Variants in LRTM2 observed in about 807,000 individuals in gnomAD.
LRTM2 encodes the protein leucine-rich repeat and transmembrane domain-containing protein 2.
LRTM2 carries 18 observed loss-of-function variants against 28.1 expected under a neutral mutation model. That is an observed-to-expected ratio of 0.64 (90% CI 0.44 to 0.95). The LOEUF is 0.95. LRTM2 is among the 40% of genes least tolerant of loss of function. The probability of loss-of-function intolerance (pLI) is 0.00; values close to 1 mark genes in which losing one functional copy is unlikely to be tolerated. For synonymous variants in LRTM2, 250 were observed against 218.7 expected, an observed-to-expected ratio of 1.14 and a Z score of -1.26; for missense variants, 436 against 497.2, an observed-to-expected ratio of 0.88 and a Z score of 1.17.
intron 1 of LRTM2, among the ~76,000 whole-genome samples, chr12:1,821,737 T>C (rs1339242926): frequency 6.6e-6 from 1 of 152,118 alleles, no homozygotes; most frequent in Non-Finnish European, 1.5e-5. Context: ...TGGACAGTGC[T>C]GGAGAGAGGA....
rs138734982 is a variant in LRTM2 at position 1,826,609 on chromosome 12, C to T, written c.-258-801C>T. 3.5e-4 allele frequency among the ~76,000 whole-genome samples: 54 copies of T among 152,326 alleles called. 1 individual carries two copies. In the East Asian group the frequency reaches 7.3e-3, roughly 21 times the overall value. Reference sequence around the variant, plus strand: ...CTTGTGACCCCTCTGCCAACGCCTGCGGGGCCTTCGGCAGACTGGCACCCT... The same window carrying T: ...CTTGTGACCCCTCTGCCAACGCCTGTGGGGCCTTCGGCAGACTGGCACCCT... On this transcript the variant is annotated intron_variant, in intron 1 of 4. Transcript: ENST00000299194.
intron 1 of LRTM2, among the ~76,000 whole-genome samples, chr12:1,823,439 G>A (rs113353115): frequency 6.6e-6 from 1 of 152,140 alleles, no homozygotes; most frequent in African/African-American, 2.4e-5. Flanking sequence ...GTGCTCTGAG[G>A]GGGCCGAGTG....
chr12:1,831,846 T>C (rs184030297), intron 4 of LRTM2, among the ~76,000 whole-genome samples: 2 of 146,712 alleles, frequency 1.4e-5, no homozygotes, highest in Non-Finnish European at 3.0e-5. Flanking sequence ...TTAGGTTACA[T>C]AAGGGCAGTA....
chr12:1,828,040 G>C lies in LRTM2; in HGVS notation c.-73-36G>C. 9.4e-7 allele frequency: 1 copy of C among 1,064,294 alleles called. No individual in the cohort carries two copies. The highest frequency in any genetic ancestry group is 1.3e-6 in the Non-Finnish European group (1 of 782,202). The allele number at this position is 1,064,294 out of a possible 1,614,324, so 65.9% of individuals were successfully genotyped here. On this transcript the variant is annotated intron_variant, in intron 2 of 4. Coordinates refer to ENST00000299194, the MANE Select transcript of LRTM2 (RefSeq NM_001039029.3). This position sits in a 1 kb window ranked among gnomAD's most constrained non-coding sequence, Gnocchi z 4.2. The stretch of plus-strand genomic sequence containing the variant: ...ACCCCTGGGCTGGAACGGGGCTCCC[G>C]CGCCTGCCTGTGCTCAGTGCTCCTC...
intron 1 of LRTM2, among the ~76,000 whole-genome samples, chr12:1,826,378 G>A (rs932709427): frequency 2.0e-5 from 3 of 150,246 alleles, no homozygotes; most frequent in Admixed American, 2.0e-4. Flanking sequence ...TTTAAAGAAC[G>A]GACCAGAGAT....
intron 3 of LRTM2, 58 bp from the exon 4 acceptor site, chr12:1,830,877 G>A (rs1864590641): frequency 1.4e-6 from 2 of 1,386,912 alleles, no homozygotes; most frequent in Admixed American, 2.4e-5. Flanking sequence ...GGGAAGAGAA[G>A]CAGGAGGTGG....
Position 1,834,592 on chromosome 12 carries a change from C to A in LRTM2, c.984C>A (p.Ala328=), listed in dbSNP as rs761303047. ...CGVVCIMMVV[A]AAYGCIYASL... ...TCGTCTGCATCATGATGGTGGTGGC[C>A]GCTGCCTATGGCTGCATCTACGCCT... Residue 328 remains alanine (A), a synonymous_variant, in exon 5 of 5, where the codon GCC becomes GCA. Transcript: ENST00000299194. The surrounding 1 kb of genome is among the most constrained non-coding windows in gnomAD (Gnocchi z 7.6). The A allele has an allele frequency of 6.2e-7, 1 of 1,600,422 alleles. No homozygotes were observed. The highest frequency in any genetic ancestry group is 1.1e-5 in the South Asian group (1 of 91,086).
chr12:1,834,954 A>G lies in LRTM2; in HGVS notation c.*233A>G. 1.4e-6 allele frequency: 1 copy of G among 722,466 alleles called. No individual in the cohort carries two copies. The highest frequency in any genetic ancestry group is 2.2e-6 in the Non-Finnish European group (1 of 464,102). 44.8% of individuals were successfully genotyped at this position (722,466 alleles called of 1,614,324 possible). A position where few individuals can be genotyped will look rare whatever the true frequency, so the allele number is the denominator to read the frequency against. ...CCTGTCTGGGCCAGTAAATCTTTGG[A>G]ACATGTGGGGGATCTCCCTAAGCTC... On this transcript the variant is annotated 3_prime_UTR_variant, in exon 5 of 5. Transcript: ENST00000299194. The surrounding 1 kb of genome is among the most constrained non-coding windows in gnomAD (Gnocchi z 7.6).
At chr12:1,825,739 CTG>C (rs1864287692) in intron 1 of LRTM2, among the ~76,000 whole-genome samples, 1 of 152,208 alleles carries the variant, frequency 6.6e-6, no homozygotes, top group Admixed American at 6.5e-5. Context: ...GTGCCCTGCT[CTG>C]TGCACACGTA....
chr12:1,823,438 G>C (rs1273111928), intron 1 of LRTM2, among the ~76,000 whole-genome samples: 1 of 152,132 alleles, frequency 6.6e-6, no homozygotes, highest in East Asian at 1.9e-4. Flanking sequence ...CGTGCTCTGA[G>C]GGGGCCGAGT....
At chr12:1,825,837 C>T (rs532775113) in intron 1 of LRTM2, among the ~76,000 whole-genome samples, 51 of 113,888 alleles carry the variant, frequency 4.5e-4, no homozygotes, top group African/African-American at 1.3e-3. Flanking sequence ...ACCTGCAATC[C>T]AGTCCCGGAC....
At chr12:1,821,866 T>A (rs1864117664) in intron 1 of LRTM2, among the ~76,000 whole-genome samples, 1 of 151,478 alleles carries the variant, frequency 6.6e-6, no homozygotes, top group African/African-American at 2.4e-5. Context: ...TTCTGGGGGG[T>A]GTTGGCACCC....
At position 1,833,391 on chromosome 12, in the gene LRTM2, C is replaced by T. The variant is rs78592391; in HGVS notation, c.659-876C>T. Among the ~76,000 whole-genome samples the T allele has an allele frequency of 0.12, 18,475 of 152,130 alleles. 1,422 individuals are homozygous for T. Among genetic ancestry groups the T allele is most frequent in the Non-Finnish European group, 0.17 (11,461 of 67,972 alleles). On this transcript the variant is annotated intron_variant, in intron 4 of 4. Coordinates refer to ENST00000299194, the MANE Select transcript of LRTM2 (RefSeq NM_001039029.3). The surrounding 1 kb of genome is among the most constrained non-coding windows in gnomAD (Gnocchi z 4.2). The stretch of plus-strand genomic sequence containing the variant: ...AGGGGAGGTCTAGACAGATTATTGT[C>T]CTCAACCACCTTCTCTCTCACCCCA...
Position 1,830,968 on chromosome 12 carries a change from A to G in LRTM2, c.101A>G (p.Glu34Gly). ...TGCTGGATCGCCCTGTATGCTGTGG[A>G]GGCCCTCCCCACCTGCCCTTTCTCC... ...ITCWIALYAV[E>G]ALPTCPFSCK... Residue 34 changes from glutamate (E) to glycine (G), a missense_variant, in exon 4 of 5, where the codon GAG (glutamate) becomes GGG (glycine). By Grantham distance (98) the Glu-to-Gly change is moderately conservative (BLOSUM62 -2). Transcript: ENST00000299194. The G allele has an allele frequency of 6.2e-7, 1 of 1,612,570 alleles. No homozygotes were observed. Among genetic ancestry groups the G allele is most frequent in the Non-Finnish European group, 8.5e-7 (1 of 1,179,114 alleles).
intron 1 of LRTM2, among the ~76,000 whole-genome samples, chr12:1,826,655 G>A (rs1472780625): frequency 6.6e-6 from 1 of 152,208 alleles, no homozygotes; most frequent in African/African-American, 2.4e-5. Flanking sequence ...GGGAAGGGGA[G>A]GAAAGACAGC....
At position 1,833,677 on chromosome 12, in the gene LRTM2, C is replaced by G. The variant is rs368763707; in HGVS notation, c.659-590C>G. On this transcript the variant is annotated intron_variant, in intron 4 of 4. Coordinates refer to ENST00000299194, the MANE Select transcript of LRTM2 (RefSeq NM_001039029.3). The surrounding 1 kb of genome is among the most constrained non-coding windows in gnomAD (Gnocchi z 4.2). ...TCCTGCCCAACTCTTTTCCTCTTTACGCCAGGAAGGGAGCTGCCCATTCTT... is the reference window on the plus strand; with the variant it reads ...TCCTGCCCAACTCTTTTCCTCTTTAGGCCAGGAAGGGAGCTGCCCATTCTT... Among the ~76,000 whole-genome samples, 44 of 152,272 alleles carry G rather than the reference C, an allele frequency of 2.9e-4. No homozygotes were observed. In the South Asian group the frequency reaches 8.5e-3, roughly 29 times the overall value.
intron 1 of LRTM2, among the ~76,000 whole-genome samples, chr12:1,822,583 A>G (rs748556617): frequency 7.9e-5 from 12 of 152,148 alleles, no homozygotes; most frequent in East Asian, 1.9e-4. Flanking sequence ...TCTGCTTCCC[A>G]GAGGGTCTGT....
Position 1,834,453 on chromosome 12 carries a change from G to C in LRTM2, c.845G>C (p.Gly282Ala). The C allele has an allele frequency of 6.2e-7, 1 of 1,611,726 alleles. No homozygotes were observed. The highest frequency in any genetic ancestry group is 1.3e-5 in the African/African-American group (1 of 75,040). Reference sequence around the variant, plus strand: ...CCAGAGCCTGCTAAGCCCAAGCCCGGGGCTGAGCCGGAGCCGGAGCCCAGC... The same window carrying C: ...CCAGAGCCTGCTAAGCCCAAGCCCGCGGCTGAGCCGGAGCCGGAGCCCAGC... ...ASPEPAKPKPGAEPEPEPSTA... is the reference protein window; with the variant it reads ...ASPEPAKPKPAAEPEPEPSTA... The change falls in exon 5 of 5, where the codon GGG becomes GCG. Residue 282 changes from glycine (G) to alanine (A), a missense_variant. Transcript: ENST00000299194. The surrounding 1 kb of genome is among the most constrained non-coding windows in gnomAD (Gnocchi z 7.6).
chr12:1,834,514 G>A lies in LRTM2; in HGVS notation c.906G>A (p.Ala302=), dbSNP rs1360181384. 5.0e-6 allele frequency: 8 copies of A among 1,606,300 alleles called. No individual in the cohort carries two copies. In the Admixed American group the frequency reaches 5.0e-5, roughly 10 times the overall value. ...ACPQKQRHRP[A]SVRRAMGTVI... ...CACAGAAGCAGAGGCACCGGCCGGC[G>A]AGCGTGAGGCGAGCCATGGGCACGG... The change falls in exon 5 of 5, where the codon GCG becomes GCA. Residue 302 remains alanine (A), a synonymous_variant. Transcript: ENST00000299194. The surrounding 1 kb of genome is among the most constrained non-coding windows in gnomAD (Gnocchi z 7.6).
Sources: gnomAD v4.1 joint callset for allele counts (sites outside exome capture counted in the v4.1 genomes callset) on GRCh38, gnomAD v4.1.1 for gene constraint, Gnocchi (gnomAD v3.1) non-coding constraint, MANE v1.5 for transcripts, NCBI Gene and HGNC (gene_info 2026-07-23, HGNC 2026-07-21) for gene names.